MCM9: variants seen among roughly 807,000 people sequenced by gnomAD.
MCM9 encodes DNA helicase MCM9.
MCM9 carries 55 observed loss-of-function variants against 72.8 expected under a neutral mutation model. The ratio of observed to expected loss-of-function variants is 0.76; its 90% CI spans 0.61 to 0.95. The LOEUF (loss-of-function observed/expected upper bound fraction) is 0.95. Among genes scored for constraint, MCM9 ranks in the 40% least tolerant of loss-of-function variants. MCM9 has a pLI of 0.00. For missense variants in MCM9, 1,279 were observed against 1,377.0 expected, an observed-to-expected ratio of 0.93 and a Z score of 1.13; for synonymous variants, 480 against 503.4, an observed-to-expected ratio of 0.95 and a Z score of 0.62.
intron 9 of MCM9, among the ~76,000 whole-genome samples, chr6:118,835,705 C>G (rs968260658): frequency 7.9e-5 from 12 of 152,126 alleles, no homozygotes; most frequent in African/African-American, 2.9e-4. Context: ...GATTTTGTAT[C>G]CTGAGACTTT....
chr6:118,930,890 A>G (rs1275446578), intron 3 of MCM9, among the ~76,000 whole-genome samples: 1 of 152,250 alleles, frequency 6.6e-6, no homozygotes, highest in Non-Finnish European at 1.5e-5. Flanking sequence ...ATTCAAGGAT[A>G]CAGCTTTGCC....
chr6:118,929,337 C>A (rs1289930187), intron 3 of MCM9, among the ~76,000 whole-genome samples: 2 of 152,304 alleles, frequency 1.3e-5, no homozygotes, highest in East Asian at 3.9e-4. Flanking sequence ...CATGCATACA[C>A]CATCTGGTAA....
intron 12 of MCM9, 150 bp downstream of exon 12, chr6:118,826,632 T>C: frequency 1.5e-6 from 1 of 653,264 alleles, no homozygotes; most frequent in Non-Finnish European, 2.6e-6. Context: ...CCTCTTCATT[T>C]AATCGGTTAC....
rs528639593 is a variant in MCM9 at position 118,821,712 on chromosome 6, G to A, written c.1961+4435C>T. ...GTTCTCCTGGAAAATATCCAAGTGT[G>A]TTTTCCAACTTGGTTCCATTCTCCC... On this transcript the variant is annotated intron_variant, in intron 13 of 13. Coordinates refer to ENST00000619706, the MANE Select transcript of MCM9 (RefSeq NM_017696.3). Among the ~76,000 whole-genome samples, 14 of 152,274 alleles carry A rather than the reference G, an allele frequency of 9.2e-5. 1 individual carries two copies. The highest frequency in any genetic ancestry group is 3.4e-4 in the African/African-American group (14 of 41,558).
intron 8 of MCM9, among the ~76,000 whole-genome samples, chr6:118,881,801 T>G (rs1778304332): frequency 6.6e-6 from 1 of 152,210 alleles, no homozygotes; most frequent in Non-Finnish European, 1.5e-5. Flanking sequence ...GAAACATTTA[T>G]TCATTGAAAT....
chr6:118,851,527 G>A (rs867049460), intron 9 of MCM9, among the ~76,000 whole-genome samples: 4 of 151,736 alleles, frequency 2.6e-5, no homozygotes, highest in South Asian at 2.1e-4. Flanking sequence ...GTTATGTGGG[G>A]TGAGGAACAA....
At chr6:118,850,792 G>A (rs1449563351) in intron 9 of MCM9, among the ~76,000 whole-genome samples, 1 of 151,700 alleles carries the variant, frequency 6.6e-6, no homozygotes, top group Non-Finnish European at 1.5e-5. Context: ...AGACAGAAGA[G>A]ACTCAAATCC....
intron 8 of MCM9, among the ~76,000 whole-genome samples, chr6:118,859,210 G>A (rs575860932): frequency 5.3e-4 from 81 of 152,108 alleles, no homozygotes; most frequent in Non-Finnish European, 1.0e-3. Context: ...ATATCTTCAT[G>A]CAAGAAGAAA....
In MCM9 at chr6:118,815,147, T is replaced by G. The variant is rs1293556376; in HGVS notation, c.3109A>C (p.Lys1037Gln). ...TTACTGCCTGAAACCTCTTCCTTTT[T>G]GTCTCCCTCACAAGTAAGATGAGCA... Reference protein sequence around the residue: ...GCAHLTCEGDKKEEVSGSNKS... With the variant: ...GCAHLTCEGDQKEEVSGSNKS... Residue 1037 changes from lysine to glutamine, a missense_variant, in exon 14 of 14, where the codon AAA (lysine) becomes CAA (glutamine). Lys to Gln is a moderately conservative substitution (Grantham distance 53). Coordinates refer to ENST00000619706, the MANE Select transcript of MCM9 (RefSeq NM_017696.3). The G allele has an allele frequency of 1.9e-6, 3 of 1,550,618 alleles. No homozygotes were observed. The highest frequency in any genetic ancestry group is 2.4e-5 in the East Asian group (1 of 40,894).
chr6:118,906,213 C>CA (rs1780168102), intron 8 of MCM9, among the ~76,000 whole-genome samples: 1 of 152,134 alleles, frequency 6.6e-6, no homozygotes, highest in South Asian at 2.1e-4. Flanking sequence ...GCTGGGACTA[C>CA]AGGTGTATAC....
chr6:118,816,043 CTG>C lies in MCM9; in HGVS notation c.2211_2212del (p.Asn737LysfsTer3). 2 of 1,550,416 alleles carry C rather than the reference CTG, an allele frequency of 1.3e-6. No individual in the cohort carries two copies. Among genetic ancestry groups the C allele is most frequent in the African/African-American group, 2.7e-5 (2 of 73,146 alleles). On this transcript the variant is annotated frameshift_variant, in exon 14 of 14. Coordinates refer to ENST00000619706, the MANE Select transcript of MCM9 (RefSeq NM_017696.3). LOFTEE classifies it low-confidence loss of function (END_TRUNC). ...ATCAAACCAATCTAAACTGTCATCTCTGTTATTTTTGTGCTGAGCTGAATGTT... is the reference window on the plus strand; with the variant it reads ...ATCAAACCAATCTAAACTGTCATCTCTTATTTTTGTGCTGAGCTGAATGTT...
In MCM9 at chr6:118,913,370, G is replaced by C; in HGVS notation, c.955C>G (p.Leu319Val). The change falls in exon 7 of 14, where the codon CTA becomes GTA. Residue 319 changes from leucine (L) to valine (V), a missense_variant. Physicochemically the swap from Leu to Val is conservative, Grantham distance 32. Transcript: ENST00000619706. The part of the protein sequence containing the change: ...SLCPQVFGMY[L>V]VKLAVAMVLA... The stretch of plus-strand genomic sequence containing the variant: ...ACCATGGCCACAGCAAGCTTTACTA[G>C]ATACATTCCAAACACTTGAGGGCAC... 1.2e-6 allele frequency: 2 copies of C among 1,614,048 alleles called. No individual in the cohort carries two copies. Among genetic ancestry groups the C allele is most frequent in the Non-Finnish European group, 1.7e-6 (2 of 1,179,982 alleles).
In MCM9 at chr6:118,923,920, G is replaced by C. The variant is rs374387921; in HGVS notation, c.512C>G (p.Ser171Trp). The change falls in exon 4 of 14, where the codon TCG becomes TGG. Residue 171 changes from serine to tryptophan, a missense_variant. Physicochemically the swap from Ser to Trp is radical, Grantham distance 177. Transcript: ENST00000619706. ...ATCACAGCTCTCCAAGCTGGGACAC[G>C]AGGATGGCCGGCAAAAGGTGTAATA... ...EQYYTFCRPS[S>W]CPSLESCDSS... is the part of the protein sequence containing the mutation. 6.2e-7 allele frequency: 1 copy of C among 1,614,210 alleles called. No homozygotes were observed. The highest frequency in any genetic ancestry group is 1.7e-5 in the Admixed American group (1 of 60,030).
chr6:118,850,185 T>C (rs1025810537), intron 9 of MCM9, among the ~76,000 whole-genome samples: 1 of 151,916 alleles, frequency 6.6e-6, no homozygotes, highest in African/African-American at 2.4e-5. Flanking sequence ...CTTTTGAACA[T>C]GCACTTTAAC....
At chr6:118,912,445 C>T (rs1780624275) in intron 7 of MCM9, 1 of 152,154 alleles carries the variant, frequency 6.6e-6, no homozygotes, top group Admixed American at 6.6e-5. Context: ...TCCTATGGTA[C>T]ATATGATTTC....
intron 8 of MCM9, among the ~76,000 whole-genome samples, chr6:118,860,549 T>C (rs1476430670): frequency 1.3e-5 from 2 of 152,136 alleles, no homozygotes; most frequent in Non-Finnish European, 2.9e-5. Context: ...GGTGAAGCAA[T>C]ATTGTGTAAC....
At chr6:118,898,455 C>A (rs1166788554) in intron 8 of MCM9, among the ~76,000 whole-genome samples, 2 of 146,006 alleles carry the variant, frequency 1.4e-5, no homozygotes, top group African/African-American at 5.1e-5. Flanking sequence ...GAGACAATCT[C>A]GTTCCATTGC....
chr6:118,888,344 G>A (rs141980369), intron 8 of MCM9, among the ~76,000 whole-genome samples: 9,464 of 152,082 alleles, frequency 0.062, 429 homozygotes, highest in East Asian at 0.19. Flanking sequence ...AAAATTAGCC[G>A]GGTGTGGTGG....
At chr6:118,827,896 A>G (rs970976572) in intron 11 of MCM9, 31 bp downstream of exon 11, 5 of 1,547,180 alleles carry the variant, frequency 3.2e-6, no homozygotes, top group Non-Finnish European at 2.6e-6. Context: ...GCAGCATTCA[A>G]TACAAGCATC....
Sources: gnomAD v4.1 joint callset for allele counts (sites outside exome capture counted in the v4.1 genomes callset) on GRCh38, gnomAD v4.1.1 for gene constraint, MANE v1.5 for transcripts, NCBI Gene and HGNC (gene_info 2026-07-23, HGNC 2026-07-21) for gene names.